FER: variants seen among roughly 807,000 people sequenced by gnomAD.
FER encodes the protein FER tyrosine kinase, also known as tyrosine-protein kinase Fer.
Under a neutral mutation model 111.0 loss-of-function variants are expected in FER, and 63 were observed. The ratio of observed to expected loss-of-function variants is 0.57; its 90% CI spans 0.46 to 0.70. The LOEUF is 0.70. Ranked by LOEUF, FER falls within the 30% of genes least tolerant of loss-of-function variation. FER has a pLI of 0.00. For missense variants in FER, 914 were observed against 954.0 expected (o/e 0.96, Z 0.55); for synonymous variants, 327 against 313.9 (o/e 1.04, Z -0.44).
At chr5:109,104,131 C>A (rs550411563) in intron 17 of FER, among the ~76,000 whole-genome samples, 1 of 152,296 alleles carries the variant, frequency 6.6e-6, no homozygotes. Flanking sequence ...TATACTGATT[C>A]TCTTCATGTT....
intron 13 of FER, among the ~76,000 whole-genome samples, chr5:108,980,623 A>G (rs2149720455): frequency 6.6e-6 from 1 of 152,240 alleles, no homozygotes; most frequent in East Asian, 1.9e-4. Context: ...TTGGTTTTTC[A>G]GGCCCTTTGC....
chr5:109,008,049 T>C (rs1300888166), intron 13 of FER, among the ~76,000 whole-genome samples: 1 of 152,238 alleles, frequency 6.6e-6, no homozygotes, highest in African/African-American at 2.4e-5. Context: ...CATCATTTCA[T>C]GTGGTTATTT....
intron 10 of FER, among the ~76,000 whole-genome samples, chr5:108,921,242 T>C (rs1752983233): frequency 6.6e-6 from 1 of 152,336 alleles, no homozygotes; most frequent in South Asian, 2.1e-4. Flanking sequence ...ATTTTGTTGG[T>C]TAGAATTTAC....
At chr5:109,099,864 C>A (rs564046775) in intron 16 of FER, among the ~76,000 whole-genome samples, 1 of 151,490 alleles carries the variant, frequency 6.6e-6, no homozygotes, top group Non-Finnish European at 1.5e-5. Context: ...AGGCCAAAAT[C>A]ATAGCATTTT....
At chr5:108,764,298 A>G (rs1169191650) in intron 1 of FER, among the ~76,000 whole-genome samples, 1 of 152,220 alleles carries the variant, frequency 6.6e-6, no homozygotes, top group Non-Finnish European at 1.5e-5. Context: ...TACTGTATAT[A>G]GATATAACTA....
intron 16 of FER, among the ~76,000 whole-genome samples, chr5:109,054,757 T>C (rs1328137216): frequency 6.6e-6 from 1 of 152,214 alleles, no homozygotes; most frequent in Non-Finnish European, 1.5e-5. Context: ...AGTTAATTTT[T>C]GTATATAGTG....
At chr5:108,861,726 C>T (rs916937531) in intron 5 of FER, among the ~76,000 whole-genome samples, 3 of 151,952 alleles carry the variant, frequency 2.0e-5, no homozygotes, top group African/African-American at 7.3e-5. Context: ...TAAGATATTT[C>T]GAAGTAAATA....
At chr5:108,893,280 T>C (rs1335691607) in intron 9 of FER, among the ~76,000 whole-genome samples, 3 of 152,128 alleles carry the variant, frequency 2.0e-5, no homozygotes, top group Non-Finnish European at 2.9e-5. Context: ...TTTCACGATA[T>C]TGGTTCTTCC....
At position 109,015,767 on chromosome 5, in the gene FER, G is replaced by C. The variant is rs573391505; in HGVS notation, c.1657-21655G>C. 1.9e-3 allele frequency among the ~76,000 whole-genome samples: 288 copies of C among 152,128 alleles called. 2 individuals are homozygous for C. The highest frequency in any genetic ancestry group is 6.3e-3 in the African/African-American group (260 of 41,532). Reference sequence around the variant, plus strand: ...ATATGATTTTCTTAGTGTAAATTAAGCCTTTTTTCAACTTAAATTTTAGTT... The same window carrying C: ...ATATGATTTTCTTAGTGTAAATTAACCCTTTTTTCAACTTAAATTTTAGTT... On this transcript the variant is annotated intron_variant, in intron 13 of 19. Transcript: ENST00000281092.
At chr5:108,842,112 A>G (rs1429075754) in intron 5 of FER, 2 of 174,700 alleles carry the variant, frequency 1.1e-5, no homozygotes, top group East Asian at 3.4e-4. Flanking sequence ...AAGTGATGTG[A>G]TATCTGAGGT....
At chr5:108,856,175 A>G (rs567363494) in intron 5 of FER, among the ~76,000 whole-genome samples, 12 of 152,278 alleles carry the variant, frequency 7.9e-5, no homozygotes, top group African/African-American at 2.9e-4. Context: ...GGAGAGATAT[A>G]AATTCAGATA....
At position 108,842,947 on chromosome 5, in the gene FER, T is replaced by C. The variant is rs185928389; in HGVS notation, c.481+7140T>C. ...GTCATATGAAAAAGATACATGCACA[T>C]GCATGTTTATAGCAGCACAATTCAC... On this transcript the variant is annotated intron_variant, in intron 5 of 19. Coordinates refer to ENST00000281092, the MANE Select transcript of FER (RefSeq NM_005246.4). 2.0e-3 allele frequency: 309 copies of C among 152,344 alleles called. 1 individual carries two copies. The highest frequency in any genetic ancestry group is 7.1e-3 in the African/African-American group (297 of 41,576). 9.4% of individuals were successfully genotyped at this position (152,344 alleles called of 1,614,324 possible).
At chr5:108,792,625 C>T (rs946719089) in intron 2 of FER, among the ~76,000 whole-genome samples, 1 of 152,032 alleles carries the variant, frequency 6.6e-6, no homozygotes, top group Non-Finnish European at 1.5e-5. Context: ...GTGTGAGCCA[C>T]TGCACCTGGC....
chr5:108,957,926 G>A (rs1330589181), intron 12 of FER, among the ~76,000 whole-genome samples: 1 of 151,472 alleles, frequency 6.6e-6, no homozygotes, highest in Non-Finnish European at 1.5e-5. Context: ...ATTAGAAATA[G>A]GTTAGTACCT....
At chr5:109,079,550 T>G (rs568580651) in intron 16 of FER, among the ~76,000 whole-genome samples, 2 of 152,138 alleles carry the variant, frequency 1.3e-5, no homozygotes, top group Non-Finnish European at 2.9e-5. Flanking sequence ...TTTCCTCATT[T>G]TTTTCCTAGC....
chr5:108,777,172 T>G (rs1753581810), intron 2 of FER, among the ~76,000 whole-genome samples: 1 of 152,218 alleles, frequency 6.6e-6, no homozygotes, highest in Admixed American at 6.5e-5. Context: ...ATCTTTATAG[T>G]TATAAATTGT....
At chr5:109,099,222 G>C (rs1419285615) in intron 16 of FER, among the ~76,000 whole-genome samples, 1 of 151,342 alleles carries the variant, frequency 6.6e-6, no homozygotes, top group Non-Finnish European at 1.5e-5. Context: ...AGAAAAATAA[G>C]CCAAAGCTTT....
chr5:108,977,379 A>AT (rs1761496274), intron 13 of FER, among the ~76,000 whole-genome samples: 1 of 151,808 alleles, frequency 6.6e-6, no homozygotes, highest in Non-Finnish European at 1.5e-5. Context: ...CCTTTTTCTT[A>AT]TTTTTTCTCA....
At chr5:109,117,597 A>G (rs889868829) in intron 17 of FER, among the ~76,000 whole-genome samples, 5 of 152,006 alleles carry the variant, frequency 3.3e-5, no homozygotes, top group Admixed American at 2.6e-4. Flanking sequence ...ATTACCTTGG[A>G]CAGTATGGCC....
Sources: allele counts gnomAD v4.1 joint callset (sites outside exome capture counted in the v4.1 genomes callset), GRCh38; gene constraint gnomAD v4.1.1; transcripts MANE v1.5; gene names NCBI Gene and HGNC (gene_info 2026-07-23, HGNC 2026-07-21).